Variants in TRABD2B observed in about 807,000 individuals in gnomAD.
TRABD2B encodes TraB domain containing 2B, also known as metalloprotease TIKI2.
In TRABD2B, 14 loss-of-function variants were observed where a neutral mutation model predicts 40.1. The ratio of observed to expected loss-of-function variants is 0.35; its 90% CI spans 0.23 to 0.55. TRABD2B has a LOEUF of 0.55. Among genes scored for constraint, TRABD2B ranks in the 20% least tolerant of loss-of-function variants. The probability of loss-of-function intolerance (pLI) is 0.90; values close to 1 mark genes in which losing one functional copy is unlikely to be tolerated. For missense variants in TRABD2B, 541 were observed against 648.6 expected (o/e 0.83, Z 1.80); for synonymous variants, 263 against 277.0 (o/e 0.95, Z 0.50).
chr1:47,850,947 G>T (rs1160859486), intron 2 of TRABD2B, among the ~76,000 whole-genome samples: 1 of 152,206 alleles, frequency 6.6e-6, no homozygotes, highest in East Asian at 1.9e-4. Flanking sequence ...TGCATGCACA[G>T]TTCACAACAG....
intron 2 of TRABD2B, among the ~76,000 whole-genome samples, chr1:47,811,323 A>G (rs985296662): frequency 6.6e-6 from 1 of 152,048 alleles, no homozygotes; most frequent in African/African-American, 2.4e-5. Flanking sequence ...CTTGGCCTCT[A>G]GTACAGCTGT....
At chr1:47,796,009 C>G (rs1644743477) in intron 3 of TRABD2B, among the ~76,000 whole-genome samples, 1 of 152,064 alleles carries the variant, frequency 6.6e-6, no homozygotes, top group South Asian at 2.1e-4. Flanking sequence ...TTCCTGGCCC[C>G]CAACAGCCGG....
Position 47,994,093 on chromosome 1 carries a change from C to G in TRABD2B, c.607G>C (p.Ala203Pro). The G allele has an allele frequency of 6.5e-7, 1 of 1,536,284 alleles. No homozygotes were observed. Among genetic ancestry groups the G allele is most frequent in the Non-Finnish European group, 8.7e-7 (1 of 1,146,952 alleles). ...QAEKMKKTTG[A>P]VEQVEEQCHP... ...CACTGCTCCTCCACCTGCTCCACAG[C>G]CCCTGTGGTCTTCTTCATCTTCTCA... Residue 203 changes from alanine (A) to proline (P), a missense_variant, in exon 2 of 7, where the codon GCT (alanine) becomes CCT (proline). This residue lies in a region of TRABD2B where 369 missense variants were observed against 492.8 expected (regional missense o/e 0.75). Transcript: ENST00000606738. This position sits in a 1 kb window ranked among gnomAD's most constrained non-coding sequence, Gnocchi z 6.7.
At chr1:47,956,954 C>T (rs1476794096) in intron 2 of TRABD2B, among the ~76,000 whole-genome samples, 1 of 152,228 alleles carries the variant, frequency 6.6e-6, no homozygotes, top group Non-Finnish European at 1.5e-5. Flanking sequence ...GAGGCACCTC[C>T]CACTAGGGGC....
chr1:47,960,277 T>C (rs1186941480), intron 2 of TRABD2B, among the ~76,000 whole-genome samples: 1 of 152,148 alleles, frequency 6.6e-6, no homozygotes, highest in African/African-American at 2.4e-5. Flanking sequence ...GGGCAAAAAC[T>C]GGAAGCATTC....
chr1:47,807,626 GTGTGTGTGTGTGTC>G (rs1477243728), intron 2 of TRABD2B, among the ~76,000 whole-genome samples: 1 of 150,692 alleles, frequency 6.6e-6, no homozygotes, highest in Non-Finnish European at 1.5e-5. Flanking sequence ...ATTCATATTT[GTGTGTGTGTGTGTC>G]TGTGTGTGTG....
At chr1:47,941,311 A>G (rs1035619781) in intron 2 of TRABD2B, among the ~76,000 whole-genome samples, 1 of 152,168 alleles carries the variant, frequency 6.6e-6, no homozygotes, top group African/African-American at 2.4e-5. Context: ...CATCCTGATA[A>G]GCACACACGT....
chr1:47,913,317 G>A (rs1262200775), intron 2 of TRABD2B, among the ~76,000 whole-genome samples: 3 of 152,192 alleles, frequency 2.0e-5, no homozygotes, highest in African/African-American at 4.8e-5. Flanking sequence ...GGCTGGGAAC[G>A]GGATTAGGCT....
At chr1:47,968,775 AT>A (rs1039750161) in intron 2 of TRABD2B, among the ~76,000 whole-genome samples, 2 of 152,036 alleles carry the variant, frequency 1.3e-5, no homozygotes, top group Non-Finnish European at 1.5e-5. Flanking sequence ...CCAATCTACT[AT>A]TTTATTTACT....
chr1:47,938,012 G>C (rs1001472793), intron 2 of TRABD2B, among the ~76,000 whole-genome samples: 11 of 152,154 alleles, frequency 7.2e-5, no homozygotes, highest in African/African-American at 2.7e-4. Context: ...TGATTCTCCA[G>C]TTCTACTACT....
At position 47,764,731 on chromosome 1, in the gene TRABD2B, CAG is replaced by C. The variant is rs1644281406; in HGVS notation, c.*1169_*1170del. 1 of 152,332 alleles carries C rather than the reference CAG, an allele frequency of 6.6e-6. No homozygotes were observed. Among genetic ancestry groups the C allele is most frequent in the South Asian group, 2.1e-4 (1 of 4,818 alleles). The allele number at this position is 152,332 out of a possible 1,614,324, so 9.4% of individuals were successfully genotyped here. On this transcript the variant is annotated 3_prime_UTR_variant, in exon 7 of 7. Coordinates refer to ENST00000606738, the MANE Select transcript of TRABD2B (RefSeq NM_001194986.2). ...AGTTTGGGTGAGATCTGCTCCCTTG[CAG>C]AGAGAACGTGGCAGAACAGGGAACA...
At chr1:47,955,037 G>A (rs1351745667) in intron 2 of TRABD2B, among the ~76,000 whole-genome samples, 4 of 152,086 alleles carry the variant, frequency 2.6e-5, no homozygotes, top group Non-Finnish European at 5.9e-5. Flanking sequence ...CTTGAGTCCT[G>A]TGGGATGGAA....
At chr1:47,972,528 C>A (rs1244834171) in intron 2 of TRABD2B, among the ~76,000 whole-genome samples, 1 of 152,176 alleles carries the variant, frequency 6.6e-6, no homozygotes, top group East Asian at 1.9e-4. Context: ...AGCTCTCTAG[C>A]CCTCTTTCCA....
At chr1:47,790,846 G>A (rs369468512) in intron 4 of TRABD2B, among the ~76,000 whole-genome samples, 53 of 152,348 alleles carry the variant, frequency 3.5e-4, no homozygotes, top group African/African-American at 1.2e-3. Flanking sequence ...TTCCACCATG[G>A]AAGAGCATTT....
chr1:47,965,544 C>A (rs1217711309), intron 2 of TRABD2B, among the ~76,000 whole-genome samples: 3 of 152,112 alleles, frequency 2.0e-5, no homozygotes, highest in African/African-American at 7.2e-5. Flanking sequence ...GTCTGCCCTG[C>A]TGACCCGGGC....
At chr1:47,827,096 T>G (rs1429605998) in intron 2 of TRABD2B, among the ~76,000 whole-genome samples, 2 of 152,160 alleles carry the variant, frequency 1.3e-5, no homozygotes, top group African/African-American at 2.4e-5. Flanking sequence ...AGGGCGAGGA[T>G]GCAGCACGGG....
chr1:47,805,516 T>C (rs1311094159), intron 2 of TRABD2B, among the ~76,000 whole-genome samples: 1 of 152,076 alleles, frequency 6.6e-6, no homozygotes, highest in African/African-American at 2.4e-5. Context: ...GACACTTATC[T>C]CACTGAATTG....
intron 3 of TRABD2B, among the ~76,000 whole-genome samples, chr1:47,797,591 G>C (rs1288632184): frequency 6.6e-6 from 1 of 152,120 alleles, no homozygotes; most frequent in Non-Finnish European, 1.5e-5. Flanking sequence ...GAACCCAAAA[G>C]TGAAAGTTTA....
chr1:47,898,690 C>T (rs1408986233), intron 2 of TRABD2B, among the ~76,000 whole-genome samples: 3 of 152,138 alleles, frequency 2.0e-5, no homozygotes, highest in Non-Finnish European at 2.9e-5. Flanking sequence ...ATCTCTCCCA[C>T]GTTTTGTGAA....
Sources: gnomAD v4.1 joint callset for allele counts (sites outside exome capture counted in the v4.1 genomes callset) on GRCh38, gnomAD v4.1.1 for gene constraint, gnomAD v4.1.1 regional missense constraint, Gnocchi (gnomAD v3.1) non-coding constraint, MANE v1.5 for transcripts, NCBI Gene and HGNC (gene_info 2026-07-23, HGNC 2026-07-21) for gene names.